The following MEGF11 variants were observed in gnomAD, a reference collection of about 807,000 sequenced individuals.
The protein encoded by MEGF11 is multiple epidermal growth factor-like domains protein 11.
A neutral mutation model predicts 146.6 loss-of-function variants in MEGF11; 126 were observed. The observed-to-expected ratio is 0.86, with a 90% CI of 0.74 to 1.00. The LOEUF (loss-of-function observed/expected upper bound fraction) is 1.00, where lower values mean the gene tolerates loss of function less well. Among genes scored for constraint, MEGF11 ranks in the 50% least tolerant of loss-of-function variants. MEGF11 has a pLI of 0.00. For synonymous variants in MEGF11, 532 were observed against 583.4 expected (o/e 0.91, Z 1.27); for missense variants, 1,509 against 1,521.2 (o/e 0.99, Z 0.13).
chr15:66,145,164 C>G (rs1214485518), intron 1 of MEGF11, among the ~76,000 whole-genome samples: 1 of 152,192 alleles, frequency 6.6e-6, no homozygotes, highest in Non-Finnish European at 1.5e-5. Context: ...CAGGCCCAAG[C>G]CCCAGAGCCT....
intron 1 of MEGF11, among the ~76,000 whole-genome samples, chr15:66,244,669 G>C (rs575738644): frequency 6.6e-6 from 1 of 152,252 alleles, no homozygotes; most frequent in Admixed American, 6.5e-5. Flanking sequence ...TCACAGGGTG[G>C]TTACCAGGCT....
chr15:66,078,410 C>T (rs115500770), intron 5 of MEGF11, among the ~76,000 whole-genome samples: 80 of 152,310 alleles, frequency 5.3e-4, no homozygotes, highest in African/African-American at 1.5e-3. Context: ...CTGGACTTCC[C>T]GGGCCTCGGC....
At chr15:66,158,576 G>A (rs531474541) in intron 1 of MEGF11, among the ~76,000 whole-genome samples, 11 of 152,354 alleles carry the variant, frequency 7.2e-5, no homozygotes, top group African/African-American at 2.4e-4. Flanking sequence ...ATCTGGGGTT[G>A]CATGGAGGAT....
chr15:65,997,122 T>G (rs367597109), intron 5 of MEGF11, among the ~76,000 whole-genome samples: 5 of 152,248 alleles, frequency 3.3e-5, no homozygotes, highest in African/African-American at 7.2e-5. Flanking sequence ...CAGCTGGGTC[T>G]GCCAGTCAGA....
At chr15:66,035,940 G>T (rs186253516) in intron 5 of MEGF11, among the ~76,000 whole-genome samples, 1 of 152,354 alleles carries the variant, frequency 6.6e-6, no homozygotes, top group African/African-American at 2.4e-5. Context: ...CTGAGCCACA[G>T]CCCCTCAGCC....
rs547286257 is a variant in MEGF11, at chr15:65,951,609, C to T, written c.1287+5938G>A. Among the ~76,000 whole-genome samples, 7 of 152,254 alleles carry T rather than the reference C, an allele frequency of 4.6e-5. No individual in the cohort carries two copies. The South Asian group carries it at 1.4e-3, about 32-fold the overall frequency. ...GGCTGAGGCAAGAGAATTGCGTGAACCCGGGAGGTGGAGGTTGCAGTAAGC... is the reference window on the plus strand; with the variant it reads ...GGCTGAGGCAAGAGAATTGCGTGAATCCGGGAGGTGGAGGTTGCAGTAAGC... On this transcript the variant is annotated intron_variant, in intron 10 of 25. Transcript: ENST00000395614.
At chr15:66,176,352 G>A (rs1451694178) in intron 1 of MEGF11, among the ~76,000 whole-genome samples, 1 of 152,154 alleles carries the variant, frequency 6.6e-6, no homozygotes, top group Non-Finnish European at 1.5e-5. Flanking sequence ...AGAAATACCT[G>A]CACTCCCATG....
intron 11 of MEGF11, 51 bp from the exon 12 acceptor site, chr15:65,929,934 T>C: frequency 6.5e-7 from 1 of 1,535,818 alleles, no homozygotes; most frequent in African/African-American, 1.4e-5. Flanking sequence ...CCAGTGTGTC[T>C]TTTTTGCCCA....
At chr15:66,126,280 C>T (rs2088340337) in intron 2 of MEGF11, among the ~76,000 whole-genome samples, 1 of 152,184 alleles carries the variant, frequency 6.6e-6, no homozygotes, top group Non-Finnish European at 1.5e-5. Flanking sequence ...GCTGGAAAGA[C>T]TGAGAAGAAG....
chr15:65,919,162 T>A (rs1481127366), intron 15 of MEGF11, among the ~76,000 whole-genome samples: 1 of 152,254 alleles, frequency 6.6e-6, no homozygotes, highest in African/African-American at 2.4e-5. Context: ...GGCTAGGATC[T>A]GAATCTACTC....
chr15:66,092,729 G>A (rs1228764415), intron 5 of MEGF11, among the ~76,000 whole-genome samples: 2 of 152,182 alleles, frequency 1.3e-5, no homozygotes, highest in Admixed American at 1.3e-4. Context: ...CATAGAGCGA[G>A]CACTAAACAC....
intron 3 of MEGF11, 147 bp downstream of exon 3, chr15:66,123,752 A>C (rs1310839199): frequency 1.8e-5 from 12 of 658,136 alleles, no homozygotes; most frequent in Non-Finnish European, 3.2e-5. Context: ...TTTGGCCAGA[A>C]AGAAGCCATC....
At chr15:66,244,871 G>T (rs753017066) in intron 1 of MEGF11, among the ~76,000 whole-genome samples, 1 of 152,070 alleles carries the variant, frequency 6.6e-6, no homozygotes, top group African/African-American at 2.4e-5. Context: ...TGCTGGCCAC[G>T]ACCCTGGGTA....
At chr15:66,003,094 AGC>A (rs2082414610) in intron 5 of MEGF11, among the ~76,000 whole-genome samples, 3 of 151,982 alleles carry the variant, frequency 2.0e-5, no homozygotes, top group Admixed American at 2.0e-4. Context: ...CCTGGGTTCA[AGC>A]GATTCTCCTG....
At chr15:66,253,257 C>T (rs1344060910) in intron 1 of MEGF11, among the ~76,000 whole-genome samples, 2 of 152,174 alleles carry the variant, frequency 1.3e-5, no homozygotes, top group African/African-American at 4.8e-5. Flanking sequence ...CTCCCCGGGA[C>T]ACCCGCGCCG....
At chr15:66,021,149 C>T (rs1333602713) in intron 5 of MEGF11, among the ~76,000 whole-genome samples, 1 of 152,188 alleles carries the variant, frequency 6.6e-6, no homozygotes. Flanking sequence ...ATGCAGGGGC[C>T]TGCAGGGACA....
chr15:66,207,419 T>C (rs531994873), intron 1 of MEGF11, among the ~76,000 whole-genome samples: 58 of 152,338 alleles, frequency 3.8e-4, no homozygotes, highest in African/African-American at 1.3e-3. Context: ...ATGTTGAAAG[T>C]AGAAGATAGT....
chr15:66,212,584 A>G (rs1309296670), intron 1 of MEGF11, among the ~76,000 whole-genome samples: 1 of 152,188 alleles, frequency 6.6e-6, no homozygotes. Flanking sequence ...AGTGAAGGTA[A>G]TTACATTTAT....
intron 5 of MEGF11, among the ~76,000 whole-genome samples, chr15:66,023,916 G>T (rs1250321817): frequency 6.6e-6 from 1 of 152,232 alleles, no homozygotes; most frequent in African/African-American, 2.4e-5. Flanking sequence ...TCTGAAGGCT[G>T]CAGGGGGAGG....
Sources: gnomAD v4.1 joint callset for allele counts (sites outside exome capture counted in the v4.1 genomes callset) on GRCh38, gnomAD v4.1.1 for gene constraint, MANE v1.5 for transcripts, NCBI Gene and HGNC (gene_info 2026-07-23, HGNC 2026-07-21) for gene names.